The following SLC9C1 variants were observed in gnomAD, a reference collection of about 807,000 sequenced individuals.
SLC9C1 encodes the protein sodium/hydrogen exchanger 10.
Under a neutral mutation model 140.9 loss-of-function variants are expected in SLC9C1, and 97 were observed. The observed-to-expected ratio is 0.69, with a 90% CI of 0.58 to 0.82. The LOEUF is 0.82. SLC9C1 is among the 40% of genes least tolerant of loss of function. The probability of loss-of-function intolerance (pLI) is 0.00; values close to 1 mark genes in which losing one functional copy is unlikely to be tolerated. For synonymous variants in SLC9C1, 440 were observed against 442.6 expected (o/e 0.99, Z 0.07); for missense variants, 1,340 against 1,389.3 (o/e 0.96, Z 0.56).
At chr3:112,256,821 T>C (rs137963084) in intron 10 of SLC9C1, among the ~76,000 whole-genome samples, 121 of 152,172 alleles carry the variant, frequency 8.0e-4, no homozygotes, top group African/African-American at 2.8e-3. Flanking sequence ...AACCCCATAG[T>C]TGGCCCAAAT....
intron 10 of SLC9C1, among the ~76,000 whole-genome samples, chr3:112,255,828 A>T (rs963680101): frequency 6.6e-6 from 1 of 152,098 alleles, no homozygotes; most frequent in Non-Finnish European, 1.5e-5. Context: ...AATAAGACAG[A>T]TAAGCTTCTA....
At chr3:112,190,394 T>G (rs1004129196) in intron 20 of SLC9C1, among the ~76,000 whole-genome samples, 2 of 152,174 alleles carry the variant, frequency 1.3e-5, no homozygotes, top group African/African-American at 4.8e-5. Context: ...CTCTTATTAT[T>G]TTGAGATACA....
chr3:112,165,340 G>C (rs2077103730), intron 26 of SLC9C1, among the ~76,000 whole-genome samples: 1 of 152,194 alleles, frequency 6.6e-6, no homozygotes, highest in African/African-American at 2.4e-5. Flanking sequence ...TAGAGAAGGA[G>C]AGGCACTCTG....
At position 112,155,015 on chromosome 3, in the gene SLC9C1, T is replaced by G. The variant is rs1471100315; in HGVS notation, c.3399A>C (p.Glu1133Asp). ...AATTTACCTCCTTAACATTTCTTTC[T>G]TCTTGAATGCCTTCTTCCAATGTTC... ...SVGTLEEGIQEERNVKEDGAH... is the reference protein window; with the variant it reads ...SVGTLEEGIQDERNVKEDGAH... The change falls in exon 27 of 29, where the codon GAA (glutamate) becomes GAC (aspartate). Residue 1133 changes from glutamate (E) to aspartate (D), a missense_variant. Transcript: ENST00000305815. 6.2e-7 allele frequency: 1 copy of G among 1,610,982 alleles called. No homozygotes were observed. Among genetic ancestry groups the G allele is most frequent in the Admixed American group, 1.7e-5 (1 of 59,566 alleles).
rs547002792 is a variant in SLC9C1 at position 112,168,913 on chromosome 3, A to G, written c.3201T>C (p.Tyr1067=). 7.5e-5 allele frequency: 120 copies of G among 1,601,792 alleles called. No homozygotes were observed. Among genetic ancestry groups the G allele is most frequent in the Non-Finnish European group, 9.4e-5 (111 of 1,176,576 alleles). ...AVEDCLLRKT[Y]RAPFLIPITC... is the part of the protein sequence containing the mutation. ...TTATAGGAATTAAGAAAGGTGCTCT[A>G]TAAGTTTTTCGTAACAGACAATCTT... Residue 1067 remains tyrosine, a synonymous_variant, in exon 25 of 29, where the codon TAT becomes TAC. Transcript: ENST00000305815.
At chr3:112,201,749 G>A (rs1022764881) in intron 18 of SLC9C1, among the ~76,000 whole-genome samples, 2 of 151,724 alleles carry the variant, frequency 1.3e-5, no homozygotes, top group African/African-American at 4.8e-5. Flanking sequence ...ATCAAACTAG[G>A]TTTCCCTCTA....
intron 12 of SLC9C1, among the ~76,000 whole-genome samples, chr3:112,239,371 C>T (rs9758375): frequency 0.1 from 15,780 of 152,208 alleles, 879 homozygotes; most frequent in East Asian, 0.2. Flanking sequence ...TGCTTGGCTA[C>T]GAAACGGAAT....
chr3:112,270,637 G>A (rs572668095), intron 6 of SLC9C1, among the ~76,000 whole-genome samples: 7 of 152,286 alleles, frequency 4.6e-5, no homozygotes, highest in African/African-American at 1.2e-4. Flanking sequence ...CCAACATGGC[G>A]AAATCCCATC....
At chr3:112,164,688 C>T (rs1468129507) in intron 26 of SLC9C1, among the ~76,000 whole-genome samples, 1 of 151,718 alleles carries the variant, frequency 6.6e-6, no homozygotes, top group African/African-American at 2.4e-5. Flanking sequence ...TGACCTTTCT[C>T]TCTGACTGTC....
rs957389506 is a variant in SLC9C1, at chr3:112,141,189, C to T, written c.*83G>A. The T allele has an allele frequency of 1.5e-5, 21 of 1,386,064 alleles. No homozygotes were observed. The highest frequency in any genetic ancestry group is 2.0e-5 in the Non-Finnish European group (21 of 1,044,718). 85.9% of individuals were successfully genotyped at this position (1,386,064 alleles called of 1,614,324 possible). ...AGGATCCAACCTGAAGTTACTCCTT[C>T]TTGATGTAGGGAAGTGTGTTTCTGC... On this transcript the variant is annotated 3_prime_UTR_variant, in exon 29 of 29. Coordinates refer to ENST00000305815, the MANE Select transcript of SLC9C1 (RefSeq NM_183061.3).
intron 2 of SLC9C1, among the ~76,000 whole-genome samples, chr3:112,281,866 G>A (rs946517175): frequency 6.6e-6 from 1 of 152,158 alleles, no homozygotes; most frequent in African/African-American, 2.4e-5. Flanking sequence ...ATATATGTTT[G>A]GAGACAATGC....
intron 26 of SLC9C1, among the ~76,000 whole-genome samples, chr3:112,165,348 C>G (rs966934100): frequency 3.9e-5 from 6 of 152,194 alleles, no homozygotes; most frequent in Non-Finnish European, 7.3e-5. Context: ...GAGAGGCACT[C>G]TGATTTAGAG....
intron 10 of SLC9C1, among the ~76,000 whole-genome samples, chr3:112,249,923 T>A (rs972330545): frequency 3.3e-5 from 5 of 152,206 alleles, no homozygotes; most frequent in Non-Finnish European, 7.3e-5. Context: ...TGTTTTTTTT[T>A]AAATTATACT....
At chr3:112,226,480 C>T (rs887666207) in intron 13 of SLC9C1, among the ~76,000 whole-genome samples, 7 of 151,646 alleles carry the variant, frequency 4.6e-5, no homozygotes, top group South Asian at 2.1e-4. Flanking sequence ...CCAGCACTTT[C>T]GGAGGCTGAG....
chr3:112,231,995 A>G lies in SLC9C1; in HGVS notation c.1447-509T>C, dbSNP rs190169126. ...TTAATGTAAAATAGAAAGTGAACAC[A>G]CGTAAAGGAAATGGGAGTATGAATA... is the stretch of plus-strand genomic sequence containing the variant. On this transcript the variant is annotated intron_variant, in intron 12 of 28. Coordinates refer to ENST00000305815, the MANE Select transcript of SLC9C1 (RefSeq NM_183061.3). Among the ~76,000 whole-genome samples the G allele has an allele frequency of 1.9e-3, 288 of 152,324 alleles. 1 individual carries two copies. Among genetic ancestry groups the G allele is most frequent in the African/African-American group, 6.5e-3 (269 of 41,586 alleles).
intron 27 of SLC9C1, among the ~76,000 whole-genome samples, chr3:112,152,606 G>A (rs2075018219): frequency 6.6e-6 from 1 of 152,058 alleles, no homozygotes; most frequent in Admixed American, 6.6e-5. Flanking sequence ...GGACAGTCAG[G>A]TCTTTCCCTT....
intron 28 of SLC9C1, 132 bp from the exon 29 acceptor site, chr3:112,141,413 A>G: frequency 9.0e-6 from 7 of 775,210 alleles, no homozygotes; most frequent in Non-Finnish European, 1.3e-5. Context: ...CATTTTTGTT[A>G]AGGCCAAGGA....
At chr3:112,214,159 A>G (rs570755123) in intron 15 of SLC9C1, among the ~76,000 whole-genome samples, 15 of 152,342 alleles carry the variant, frequency 9.8e-5, no homozygotes, top group African/African-American at 2.9e-4. Flanking sequence ...TTTGAAACCA[A>G]TAAGAACAAA....
chr3:112,159,079 T>C (rs987600018), intron 26 of SLC9C1, among the ~76,000 whole-genome samples: 9 of 151,832 alleles, frequency 5.9e-5, no homozygotes, highest in Non-Finnish European at 1.3e-4. Context: ...TTCCCTGAGG[T>C]GTGTCATTAG....
Sources: allele counts gnomAD v4.1 joint callset (sites outside exome capture counted in the v4.1 genomes callset), GRCh38; gene constraint gnomAD v4.1.1; transcripts MANE v1.5; gene names NCBI Gene and HGNC (gene_info 2026-07-23, HGNC 2026-07-21).